Variants in CWH43 observed in about 807,000 individuals in gnomAD.
CWH43 encodes PGAP2-interacting protein.
CWH43 carries 91 observed loss-of-function variants against 85.7 expected under a neutral mutation model. That is an observed-to-expected ratio of 1.06 (90% CI 0.90 to 1.26). The LOEUF (loss-of-function observed/expected upper bound fraction) is 1.26. Among genes scored for constraint, CWH43 ranks in the 50% most tolerant of loss-of-function variants. CWH43 has a pLI of 0.00. For synonymous variants in CWH43, 323 were observed against 293.6 expected (o/e 1.10, Z -1.02); for missense variants, 869 against 839.2 (o/e 1.04, Z -0.44).
At chr4:49,028,010 A>C (rs1471193823) in intron 9 of CWH43, among the ~76,000 whole-genome samples, 3 of 152,148 alleles carry the variant, frequency 2.0e-5, no homozygotes, top group Non-Finnish European at 2.9e-5. Flanking sequence ...TAGGCTGACC[A>C]CTTCTTCAAT....
At position 48,986,482 on chromosome 4, in the gene CWH43, A is replaced by G. The variant is rs1223974795; in HGVS notation, c.43+10A>G. The G allele has an allele frequency of 7.7e-6, 12 of 1,553,026 alleles. No homozygotes were observed. The highest frequency in any genetic ancestry group is 8.7e-6 in the Non-Finnish European group (10 of 1,147,920). ...TTGGAGTCGCTGCTGGGTAAGCCGA[A>G]GCCCCTCGCCGCGAGTTCGCGGGTG... On this transcript the variant is annotated intron_variant, in intron 1 of 15. Coordinates refer to ENST00000226432, the MANE Select transcript of CWH43 (RefSeq NM_025087.3).
intron 14 of CWH43, 73 bp downstream of exon 14, chr4:49,044,920 AAG>A: frequency 8.0e-7 from 1 of 1,248,646 alleles, no homozygotes. Flanking sequence ...GAGAAGGAAA[AAG>A]AACTTTATGG....
At chr4:49,023,494 C>T (rs1783812329) in intron 9 of CWH43, among the ~76,000 whole-genome samples, 1 of 152,144 alleles carries the variant, frequency 6.6e-6, no homozygotes, top group African/African-American at 2.4e-5. Context: ...CCTGCCTCAC[C>T]CTCCCAAGTA....
chr4:49,034,219 T>C (rs2109811207), intron 12 of CWH43, among the ~76,000 whole-genome samples: 1 of 152,336 alleles, frequency 6.6e-6, no homozygotes, highest in East Asian at 1.9e-4. Context: ...GATTTTCATG[T>C]AGCAAGTACA....
chr4:49,048,191 T>C (rs1577709261), intron 14 of CWH43, among the ~76,000 whole-genome samples: 1 of 152,026 alleles, frequency 6.6e-6, no homozygotes, highest in East Asian at 1.9e-4. Context: ...GGAACAGTGG[T>C]ATTTATAGTA....
chr4:49,017,206 T>C, intron 8 of CWH43, 43 bp from the exon 9 acceptor site: 1 of 1,506,506 alleles, frequency 6.6e-7, no homozygotes, highest in South Asian at 1.2e-5. Flanking sequence ...TATTTTATTT[T>C]ATTTATTTTA....
chr4:49,058,080 C>G (rs1287851186), intron 15 of CWH43, among the ~76,000 whole-genome samples: 2 of 152,058 alleles, frequency 1.3e-5, no homozygotes, highest in Admixed American at 6.5e-5. Context: ...AGAATTTAAT[C>G]CATTTACATT....
At chr4:48,996,389 T>C (rs1308259131) in intron 5 of CWH43, among the ~76,000 whole-genome samples, 2 of 152,138 alleles carry the variant, frequency 1.3e-5, no homozygotes, top group Non-Finnish European at 2.9e-5. Context: ...TAAAAAATGT[T>C]TTTCTTCCTG....
At chr4:48,996,743 C>T (rs1447731415) in intron 5 of CWH43, among the ~76,000 whole-genome samples, 2 of 152,192 alleles carry the variant, frequency 1.3e-5, no homozygotes, top group Non-Finnish European at 2.9e-5. Flanking sequence ...ATATTACATC[C>T]CTGGCCTTGC....
chr4:49,060,794 T>C (rs138397979), intron 15 of CWH43, among the ~76,000 whole-genome samples: 1 of 152,190 alleles, frequency 6.6e-6, no homozygotes, highest in Non-Finnish European at 1.5e-5. Context: ...GGACAAGCAC[T>C]GGAAAGTCCT....
intron 6 of CWH43, among the ~76,000 whole-genome samples, chr4:49,002,857 C>T (rs1783036984): frequency 6.6e-6 from 1 of 152,166 alleles, no homozygotes; most frequent in Non-Finnish European, 1.5e-5. Flanking sequence ...ACTGGGGCCA[C>T]TTTCTGCTTC....
At position 49,003,754 on chromosome 4, in the gene CWH43, G is replaced by T. The variant is rs757820313; in HGVS notation, c.822G>T (p.Gly274=). ...WWVTGTASAA[G]LLYLHTWAAA... is the part of the protein sequence containing the mutation. ...AAACAGGAACAGCTTCAGCTGCGGG[G>T]CTCCTTTACCTGCACACATGGGCAG... is the stretch of plus-strand genomic sequence containing the variant. The change falls in exon 7 of 16, where the codon GGG becomes GGT. Residue 274 remains glycine (G), a synonymous_variant. Transcript: ENST00000226432. 6.2e-7 allele frequency: 1 copy of T among 1,613,830 alleles called. No homozygotes were observed. Among genetic ancestry groups the T allele is most frequent in the South Asian group, 1.1e-5 (1 of 91,032 alleles).
At chr4:49,030,500 C>T (rs1366064575) in intron 10 of CWH43, among the ~76,000 whole-genome samples, 1 of 152,132 alleles carries the variant, frequency 6.6e-6, no homozygotes, top group Non-Finnish European at 1.5e-5. Flanking sequence ...GCACCATTCT[C>T]TTGTTTCTGA....
chr4:48,988,327 C>G, intron 1 of CWH43, 150 bp from the exon 2 acceptor site: 29 of 448,250 alleles, frequency 6.5e-5, no homozygotes, highest in South Asian at 4.8e-4. Context: ...TTGTTTTGTT[C>G]CATGTCAGTG....
At chr4:49,002,702 C>G (rs1783027796) in intron 6 of CWH43, among the ~76,000 whole-genome samples, 1 of 152,036 alleles carries the variant, frequency 6.6e-6, no homozygotes, top group East Asian at 1.9e-4. Flanking sequence ...TTGTAGAGGA[C>G]CTTGGAATCT....
chr4:49,041,356 T>C lies in CWH43; in HGVS notation c.1803+3176T>C, dbSNP rs1335916664. On this transcript the variant is annotated intron_variant, in intron 13 of 15. Transcript: ENST00000226432. ...GGGCAGTGTGGCCATTTTCACGATA[T>C]TGATTCTTCCTACCCATGAGCATGG... Among the ~76,000 whole-genome samples the C allele has an allele frequency of 2.6e-5, 4 of 152,356 alleles. No individual in the cohort carries two copies. The South Asian group carries it at 8.3e-4, about 32-fold the overall frequency.
At chr4:49,047,445 C>T (rs1784658256) in intron 14 of CWH43, among the ~76,000 whole-genome samples, 1 of 152,058 alleles carries the variant, frequency 6.6e-6, no homozygotes, top group Non-Finnish European at 1.5e-5. Flanking sequence ...GTGGGAAAAA[C>T]TAAGCAGGGG....
At chr4:49,046,610 A>G (rs1439821596) in intron 14 of CWH43, among the ~76,000 whole-genome samples, 2 of 151,930 alleles carry the variant, frequency 1.3e-5, no homozygotes, top group African/African-American at 2.4e-5. Flanking sequence ...ATGGAGTGAA[A>G]TCTTGGCAGC....
intron 7 of CWH43, among the ~76,000 whole-genome samples, chr4:49,005,478 G>A (rs781620606): frequency 2.0e-5 from 3 of 151,914 alleles, no homozygotes; most frequent in East Asian, 1.9e-4. Flanking sequence ...TATATAAAAC[G>A]AGACAAATAC....
Sources: gnomAD v4.1 joint callset for allele counts (sites outside exome capture counted in the v4.1 genomes callset) on GRCh38, gnomAD v4.1.1 for gene constraint, MANE v1.5 for transcripts, NCBI Gene and HGNC (gene_info 2026-07-23, HGNC 2026-07-21) for gene names.